FER1L6: variants seen among roughly 807,000 people sequenced by gnomAD.
The protein encoded by FER1L6 is fer-1-like protein 6.
Under a neutral mutation model 219.2 loss-of-function variants are expected in FER1L6, and 177 were observed. The observed-to-expected ratio is 0.81, with a 90% CI of 0.71 to 0.91. The LOEUF is 0.91. Ranked by LOEUF, FER1L6 falls within the 40% of genes least tolerant of loss-of-function variation. FER1L6 has a pLI of 0.00. For synonymous variants in FER1L6, 768 were observed against 824.3 expected, an observed-to-expected ratio of 0.93 and a Z score of 1.17; for missense variants, 2,153 against 2,259.9, an observed-to-expected ratio of 0.95 and a Z score of 0.96.
chr8:123,983,614 G>C (rs955120160), intron 11 of FER1L6, among the ~76,000 whole-genome samples: 2 of 152,188 alleles, frequency 1.3e-5, no homozygotes, highest in Non-Finnish European at 2.9e-5. Flanking sequence ...AAGAGAGCTG[G>C]ATGTAAATTG....
chr8:123,885,117 G>T (rs1035716458), intron 1 of FER1L6, among the ~76,000 whole-genome samples: 5 of 152,126 alleles, frequency 3.3e-5, no homozygotes, highest in Non-Finnish European at 7.4e-5. Flanking sequence ...GAGAAAGAGG[G>T]GAGAGGGGAT....
At chr8:124,017,816 T>C in intron 16 of FER1L6, 98 bp downstream of exon 16, 2 of 904,646 alleles carry the variant, frequency 2.2e-6, no homozygotes, top group Non-Finnish European at 3.4e-6. Context: ...GGTTTAAAGG[T>C]CATACATTTT....
chr8:123,926,574 G>C (rs1813571508), intron 1 of FER1L6, among the ~76,000 whole-genome samples: 1 of 152,120 alleles, frequency 6.6e-6, no homozygotes, highest in Non-Finnish European at 1.5e-5. Flanking sequence ...AAGAATACAG[G>C]GATCAATCAG....
chr8:123,875,272 C>G (rs750281778), intron 1 of FER1L6, among the ~76,000 whole-genome samples: 1 of 152,190 alleles, frequency 6.6e-6, no homozygotes, highest in Non-Finnish European at 1.5e-5. Flanking sequence ...TTTTCCAATT[C>G]TCTCTTGAAT....
Position 123,956,726 on chromosome 8 carries a change from C to A in FER1L6, c.76+652C>A, listed in dbSNP as rs545366663. Among the ~76,000 whole-genome samples, 4 of 152,340 alleles carry A rather than the reference C, an allele frequency of 2.6e-5. No individual in the cohort carries two copies. In the East Asian group the frequency reaches 7.7e-4, roughly 29 times the overall value. ...CCAAGTGCAATGAGGCTCTTCTGAG[C>A]TTAGGGTCCTTTATGGCTGCACAGA... On this transcript the variant is annotated intron_variant, in intron 2 of 40. Coordinates refer to ENST00000522917, the MANE Select transcript of FER1L6 (RefSeq NM_001039112.2).
rs1817886533 is a variant in FER1L6 at position 124,010,794 on chromosome 8, G to T, written c.1821+80G>T. 2.6e-6 allele frequency: 4 copies of T among 1,556,226 alleles called. No individual in the cohort carries two copies. The African/African-American group carries it at 5.5e-5, about 21-fold the overall frequency. ...GGATTTTTAAAATCCACCTAGTAGA[G>T]GATGTTGACCTCAGTTCAAACACAA... On this transcript the variant is annotated intron_variant, in intron 14 of 40. Coordinates refer to ENST00000522917, the MANE Select transcript of FER1L6 (RefSeq NM_001039112.2).
chr8:124,077,612 C>CATAGTTATGTAACT (rs1821347095), intron 32 of FER1L6, among the ~76,000 whole-genome samples: 1 of 152,188 alleles, frequency 6.6e-6, no homozygotes, highest in South Asian at 2.1e-4. Context: ...ACTAGTGCTT[C>CATAGTTATGTAACT]AGTGTGACAA....
At chr8:123,940,440 C>A (rs1183445275) in intron 1 of FER1L6, among the ~76,000 whole-genome samples, 2 of 152,172 alleles carry the variant, frequency 1.3e-5, no homozygotes, top group African/African-American at 2.4e-5. Flanking sequence ...CAAGTTCAAA[C>A]AGTTTTCCTG....
Position 123,856,306 on chromosome 8 carries a change from A to ATGTGTG in FER1L6, c.-8+4122_-8+4123insGTGTGT, listed in dbSNP as rs1397663136. Among the ~76,000 whole-genome samples, 10 of 74,936 alleles carry ATGTGTG rather than the reference A, an allele frequency of 1.3e-4. 2 individuals carry two copies. The highest frequency in any genetic ancestry group is 5.2e-4 in the African/African-American group (9 of 17,194). 49.2% of individuals were successfully genotyped at this position (74,936 alleles called of 152,430 possible). A position where few individuals can be genotyped will look rare whatever the true frequency, so the allele number is the denominator to read the frequency against. ...TATGTGTGTGTGTATATATATATATATATGTATGTGTATATATATATATAT... is the reference window on the plus strand; with the variant it reads ...TATGTGTGTGTGTATATATATATATATGTGTGTATGTATGTGTATATATATATATAT... On this transcript the variant is annotated intron_variant, in intron 1 of 40. Coordinates refer to ENST00000522917, the MANE Select transcript of FER1L6 (RefSeq NM_001039112.2).
chr8:123,921,844 C>T (rs751399832), intron 1 of FER1L6, among the ~76,000 whole-genome samples: 2 of 151,990 alleles, frequency 1.3e-5, no homozygotes, highest in Non-Finnish European at 2.9e-5. Flanking sequence ...GTAGAGGCCG[C>T]CCTCGGGCTG....
At chr8:123,958,748 G>A (rs1461927920) in intron 2 of FER1L6, among the ~76,000 whole-genome samples, 2 of 151,834 alleles carry the variant, frequency 1.3e-5, no homozygotes, top group African/African-American at 4.8e-5. Flanking sequence ...CTGCTGGGGA[G>A]TCTCTTAGTG....
At chr8:123,990,295 C>A (rs1166541467) in intron 12 of FER1L6, among the ~76,000 whole-genome samples, 1 of 152,096 alleles carries the variant, frequency 6.6e-6, no homozygotes, top group East Asian at 1.9e-4. Context: ...AAAAAGAAAT[C>A]ATCATATGGT....
chr8:123,957,441 T>TA (rs1815073442), intron 2 of FER1L6, among the ~76,000 whole-genome samples: 1 of 152,212 alleles, frequency 6.6e-6, no homozygotes, highest in South Asian at 2.1e-4. Flanking sequence ...CAAAGTTGAA[T>TA]AAGGCATAGT....
chr8:124,057,112 C>T (rs1339440477), intron 22 of FER1L6, among the ~76,000 whole-genome samples: 2 of 152,196 alleles, frequency 1.3e-5, no homozygotes, highest in Non-Finnish European at 2.9e-5. Context: ...TCAAGACGAT[C>T]TCCTCAAGTC....
At chr8:123,924,343 C>A (rs1352278992) in intron 1 of FER1L6, among the ~76,000 whole-genome samples, 1 of 151,382 alleles carries the variant, frequency 6.6e-6, no homozygotes, top group East Asian at 1.9e-4. Context: ...GAGTTCAAGA[C>A]CAGCCTGGCC....
chr8:124,113,917 T>A (rs1055941771), intron 39 of FER1L6, among the ~76,000 whole-genome samples: 1 of 152,220 alleles, frequency 6.6e-6, no homozygotes, highest in Non-Finnish European at 1.5e-5. Flanking sequence ...CTTGACTATG[T>A]TGGTAAATAC....
chr8:123,915,302 G>A (rs1317925621), intron 1 of FER1L6, among the ~76,000 whole-genome samples: 1 of 152,112 alleles, frequency 6.6e-6, no homozygotes, highest in African/African-American at 2.4e-5. Flanking sequence ...GATAGCCAGG[G>A]GGGTGAGGGG....
At chr8:124,089,062 G>A (rs1370234388) in intron 33 of FER1L6, among the ~76,000 whole-genome samples, 1 of 152,140 alleles carries the variant, frequency 6.6e-6, no homozygotes, top group East Asian at 1.9e-4. Flanking sequence ...ATAGCAGTAG[G>A]ATTTGCACAG....
intron 1 of FER1L6, among the ~76,000 whole-genome samples, chr8:123,882,277 G>A (rs1042327178): frequency 4.6e-5 from 7 of 152,046 alleles, no homozygotes; most frequent in African/African-American, 1.7e-4. Context: ...GAGCAAAGTA[G>A]CGAGCCAAAA....
Sources: gnomAD v4.1 joint callset for allele counts (sites outside exome capture counted in the v4.1 genomes callset) on GRCh38, gnomAD v4.1.1 for gene constraint, MANE v1.5 for transcripts, NCBI Gene and HGNC (gene_info 2026-07-23, HGNC 2026-07-21) for gene names.